The following RBPJ variants were observed in gnomAD, a reference collection of about 807,000 sequenced individuals.
RBPJ encodes the protein recombination signal binding protein for immunoglobulin kappa J region, also known as recombining binding protein suppressor of hairless.
In RBPJ, 9 loss-of-function variants were observed where a neutral mutation model predicts 67.8. The ratio of observed to expected loss-of-function variants is 0.13; its 90% CI spans 0.08 to 0.23. RBPJ has a LOEUF of 0.23. Ranked by LOEUF, RBPJ falls within the 10% of genes least tolerant of loss-of-function variation. RBPJ has a pLI of 1.00. For missense variants in RBPJ, 305 were observed against 595.6 expected (o/e 0.51, Z 5.08); for synonymous variants, 198 against 203.3 (o/e 0.97, Z 0.22).
chr4:26,420,459 C>A, intron 4 of RBPJ, 92 bp from the exon 5 acceptor site: 2 of 781,286 alleles, frequency 2.6e-6, no homozygotes, highest in Non-Finnish European at 1.9e-6. Flanking sequence ...AATTGTTTTA[C>A]TTATTACTTA....
At position 26,432,241 on chromosome 4, in the gene RBPJ, G is replaced by A. The variant is rs1416760188; in HGVS notation, c.*1234G>A. ...TGTTTTATTATCTTTACTTTTTTGG[G>A]GGGTTGGAGGGGGTAGCCTAGCCAG... is the stretch of plus-strand genomic sequence containing the variant. On this transcript the variant is annotated 3_prime_UTR_variant, in exon 11 of 11. Transcript: ENST00000355476. The A allele has an allele frequency of 2.0e-5, 3 of 152,164 alleles. No individual in the cohort carries two copies. The highest frequency in any genetic ancestry group is 4.4e-5 in the Non-Finnish European group (3 of 68,068). The allele number at this position is 152,164 out of a possible 1,614,324, so 9.4% of individuals were successfully genotyped here. A position where few individuals can be genotyped will look rare whatever the true frequency, so the allele number is the denominator to read the frequency against.
intron 1 of RBPJ, among the ~76,000 whole-genome samples, chr4:26,168,551 T>C (rs200501654): frequency 1.3e-3 from 164 of 130,678 alleles, no homozygotes; most frequent in Middle Eastern, 3.6e-3. Flanking sequence ...ATTATGTGTC[T>C]TGGAGTTGCT....
chr4:26,316,637 T>G (rs1722647107), upstream of RBPJ, among the ~76,000 whole-genome samples: 1 of 142,774 alleles, frequency 7.0e-6, no homozygotes, highest in Non-Finnish European at 1.5e-5. Flanking sequence ...CACATATTGA[T>G]ATATATATAC....
chr4:26,412,096 CAG>C (rs1233707953), intron 3 of RBPJ, among the ~76,000 whole-genome samples: 5 of 134,056 alleles, frequency 3.7e-5, no homozygotes, highest in African/African-American at 1.4e-4. Flanking sequence ...GCCTGGGTGA[CAG>C]AGCAAGACTC....
At position 26,434,123 on chromosome 4, in the gene RBPJ, C is replaced by T. The variant is rs1194021939; in HGVS notation, c.*3116C>T. ...TATTTTGAGTGATTTCAGCGTTGAACACTAGTATACTATCTAAATTTGCTG... is the reference window on the plus strand; with the variant it reads ...TATTTTGAGTGATTTCAGCGTTGAATACTAGTATACTATCTAAATTTGCTG... On this transcript the variant is annotated 3_prime_UTR_variant, in exon 11 of 11. Transcript: ENST00000355476. 1 of 152,158 alleles carries T rather than the reference C, an allele frequency of 6.6e-6. No individual in the cohort carries two copies. The highest frequency in any genetic ancestry group is 1.5e-5 in the Non-Finnish European group (1 of 68,014). 9.4% of individuals were successfully genotyped at this position (152,158 alleles called of 1,614,324 possible).
At chr4:26,379,386 A>G (rs748184222) in intron 1 of RBPJ, among the ~76,000 whole-genome samples, 34 of 152,118 alleles carry the variant, frequency 2.2e-4, no homozygotes, top group African/African-American at 3.4e-4. Context: ...GCTATAAAGA[A>G]CTGCTTGAGA....
At chr4:26,229,673 C>T (rs1031023059) in intron 1 of RBPJ, among the ~76,000 whole-genome samples, 10 of 152,112 alleles carry the variant, frequency 6.6e-5, no homozygotes, top group African/African-American at 2.4e-4. Flanking sequence ...TGTGTGTCAT[C>T]TAAGCTTCAA....
At chr4:26,299,422 A>G (rs73113354) in intron 1 of RBPJ, among the ~76,000 whole-genome samples, 4,839 of 152,190 alleles carry the variant, frequency 0.032, 198 homozygotes, top group African/African-American at 0.097. Context: ...AATTGAGTAT[A>G]AGTAGATTTC....
At chr4:26,382,545 T>C (rs1470964494) in intron 1 of RBPJ, among the ~76,000 whole-genome samples, 1 of 152,174 alleles carries the variant, frequency 6.6e-6, no homozygotes, top group African/African-American at 2.4e-5. Context: ...TTTTTTGTTT[T>C]ATTTTGTTGT....
intron 1 of RBPJ, among the ~76,000 whole-genome samples, chr4:26,240,577 G>A (rs183502581): frequency 6.6e-6 from 1 of 152,338 alleles, no homozygotes; most frequent in Non-Finnish European, 1.5e-5. Context: ...ATGAGGAAGA[G>A]CATGTTTTAG....
At chr4:26,289,191 G>A (rs535578792) in intron 1 of RBPJ, among the ~76,000 whole-genome samples, 3 of 150,122 alleles carry the variant, frequency 2.0e-5, no homozygotes, top group South Asian at 4.2e-4. Context: ...GAGGTCAGGA[G>A]TTCAAGACCA....
intron 1 of RBPJ, among the ~76,000 whole-genome samples, chr4:26,210,631 T>C (rs1391700360): frequency 2.6e-5 from 4 of 152,086 alleles, no homozygotes; most frequent in Non-Finnish European, 5.9e-5. Flanking sequence ...ATTACACTAC[T>C]TTTCAAACCC....
intron 1 of RBPJ, among the ~76,000 whole-genome samples, chr4:26,380,480 A>AT (rs368253853): frequency 9.9e-5 from 15 of 151,906 alleles, no homozygotes; most frequent in African/African-American, 3.4e-4. Flanking sequence ...CCTGTTATGT[A>AT]TTTTTTTTGT....
chr4:26,244,618 T>A (rs1719864813), intron 1 of RBPJ, among the ~76,000 whole-genome samples: 1 of 152,150 alleles, frequency 6.6e-6, no homozygotes, highest in African/African-American at 2.4e-5. Context: ...TTTTTAGTGT[T>A]ATCGATTTTA....
chr4:26,255,540 A>C (rs184841411), intron 1 of RBPJ, among the ~76,000 whole-genome samples: 1,848 of 150,462 alleles, frequency 0.012, 13 homozygotes, highest in Non-Finnish European at 0.014. Flanking sequence ...TGGTGGCTCA[A>C]GCCTGTAATC....
At chr4:26,372,157 G>A (rs1403969545) in intron 1 of RBPJ, among the ~76,000 whole-genome samples, 1 of 152,168 alleles carries the variant, frequency 6.6e-6, no homozygotes, top group Non-Finnish European at 1.5e-5. Context: ...GGTATAAGTG[G>A]CAATGAGACT....
chr4:26,320,015 G>A, upstream of RBPJ: 3 of 758,666 alleles, frequency 4.0e-6, no homozygotes, highest in Non-Finnish European at 6.5e-6. Flanking sequence ...CAGCGTCCTC[G>A]GCTGTGCCAG....
intron 1 of RBPJ, among the ~76,000 whole-genome samples, chr4:26,331,098 G>A (rs1724202214): frequency 6.6e-6 from 1 of 152,170 alleles, no homozygotes; most frequent in Non-Finnish European, 1.5e-5. Flanking sequence ...GGGAGGGGAA[G>A]GCCTGTGTTA....
chr4:26,287,483 A>G (rs1025605122), intron 1 of RBPJ, among the ~76,000 whole-genome samples: 2 of 149,976 alleles, frequency 1.3e-5, no homozygotes, highest in Non-Finnish European at 3.0e-5. Context: ...AGTCAGGGAG[A>G]TGGAGGCTAC....
Sources: gnomAD v4.1 joint callset for allele counts (sites outside exome capture counted in the v4.1 genomes callset) on GRCh38, gnomAD v4.1.1 for gene constraint, MANE v1.5 for transcripts, NCBI Gene and HGNC (gene_info 2026-07-23, HGNC 2026-07-21) for gene names.